The following B4GALT6 variants were observed in gnomAD, a reference collection of about 807,000 sequenced individuals.
The protein encoded by B4GALT6 is beta-1,4-galactosyltransferase 6, also known as UDP-Gal:beta-GlcNAc beta-1,4-galactosyltransferase 6.
B4GALT6 carries 14 observed loss-of-function variants against 46.3 expected under a neutral mutation model. That is an observed-to-expected ratio of 0.30 (90% CI 0.20 to 0.47). The LOEUF (loss-of-function observed/expected upper bound fraction) is 0.47, where lower values mean the gene tolerates loss of function less well. Ranked by LOEUF, B4GALT6 falls within the 20% of genes least tolerant of loss-of-function variation. The pLI is 0.99. For synonymous variants in B4GALT6, 168 were observed against 162.0 expected, an observed-to-expected ratio of 1.04 and a Z score of -0.28; for missense variants, 386 against 480.1, an observed-to-expected ratio of 0.80 and a Z score of 1.83.
At chr18:31,683,429 C>T (rs990312994) in intron 1 of B4GALT6, among the ~76,000 whole-genome samples, 8 of 152,258 alleles carry the variant, frequency 5.3e-5, no homozygotes, top group Non-Finnish European at 8.8e-5. Context: ...AGGAAAAACT[C>T]AGAAAAGTTT....
chr18:31,655,064 A>G (rs2074121118), intron 3 of B4GALT6, among the ~76,000 whole-genome samples: 1 of 152,238 alleles, frequency 6.6e-6, no homozygotes, highest in Non-Finnish European at 1.5e-5. Flanking sequence ...TGTGTGCTTC[A>G]TTCTATCCTT....
intron 3 of B4GALT6, among the ~76,000 whole-genome samples, chr18:31,653,045 C>G (rs953487305): frequency 6.6e-6 from 1 of 151,512 alleles, no homozygotes; most frequent in African/African-American, 2.4e-5. Context: ...CCCCTAGACC[C>G]TTTGAAAATC....
At chr18:31,647,804 A>G (rs1363515377) in intron 3 of B4GALT6, among the ~76,000 whole-genome samples, 2 of 152,146 alleles carry the variant, frequency 1.3e-5, no homozygotes, top group East Asian at 3.8e-4. Context: ...AGGAAGAAGT[A>G]TGCTGCAGAT....
chr18:31,647,780 T>C (rs2074009471), intron 3 of B4GALT6, among the ~76,000 whole-genome samples: 1 of 152,134 alleles, frequency 6.6e-6, no homozygotes, highest in Non-Finnish European at 1.5e-5. Flanking sequence ...GGTCATGTTA[T>C]AAAAAGAGTG....
At chr18:31,695,599 G>A in the B4GALT6 span, among the ~76,000 whole-genome samples, 2 of 152,232 alleles carry the variant, frequency 1.3e-5, no homozygotes, top group Non-Finnish European at 2.9e-5. Flanking sequence ...TAAGAAGCAA[G>A]CTACTGATGT....
rs1056309124 is a variant in B4GALT6, at chr18:31,645,399, G to C, written c.427C>G (p.Pro143Ala). 1.2e-6 allele frequency: 2 copies of C among 1,613,824 alleles called. No homozygotes were observed. The highest frequency in any genetic ancestry group is 2.7e-5 in the African/African-American group (2 of 75,022). ...QLFSKDLDIE[P>A]GGHWRPKDCK... ...TCTTTTGGCCTCCAATGACCCCCTG[G>C]CTCAATATCTAAATCCTTGGAGAAG... The change falls in exon 4 of 9, where the codon CCA (proline) becomes GCA (alanine). Residue 143 changes from proline to alanine, a missense_variant. Around this residue, in one of 2 missense-constraint regions of B4GALT6, gnomAD observed 323 missense variants for 438.9 expected, o/e 0.74. Transcript: ENST00000306851.
intron 6 of B4GALT6, among the ~76,000 whole-genome samples, chr18:31,628,715 T>C (rs1460968714): frequency 3.9e-5 from 6 of 152,180 alleles, no homozygotes; most frequent in Middle Eastern, 3.2e-3. Context: ...CTGAAGTCTA[T>C]GCACTGCCCA....
chr18:31,695,018 G>A, the B4GALT6 span, among the ~76,000 whole-genome samples: 16 of 152,248 alleles, frequency 1.1e-4, no homozygotes, highest in South Asian at 3.1e-3. Context: ...TATTCTAGGA[G>A]ACTTCATCGT....
At chr18:31,661,006 A>G (rs1184743602) in intron 2 of B4GALT6, among the ~76,000 whole-genome samples, 2 of 152,176 alleles carry the variant, frequency 1.3e-5, no homozygotes, top group African/African-American at 4.8e-5. Flanking sequence ...ACCCCCCCTT[A>G]GCGTGGTCAA....
In B4GALT6 at chr18:31,662,773, G is replaced by A. The variant is rs541475255; in HGVS notation, c.232+3483C>T. Among the ~76,000 whole-genome samples the A allele has an allele frequency of 4.1e-3, 622 of 152,202 alleles. 6 individuals are homozygous for A. The highest frequency in any genetic ancestry group is 0.014 in the African/African-American group (587 of 41,528). ...GGAGAATGGCCTGAACCCAGGAGGCGGAGCTTGCAGTGAGCTGAGATCATA... is the reference window on the plus strand; with the variant it reads ...GGAGAATGGCCTGAACCCAGGAGGCAGAGCTTGCAGTGAGCTGAGATCATA... On this transcript the variant is annotated intron_variant, in intron 2 of 8. Transcript: ENST00000306851.
chr18:31,630,540 G>A (rs2073774271), intron 6 of B4GALT6, among the ~76,000 whole-genome samples: 1 of 152,010 alleles, frequency 6.6e-6, no homozygotes, highest in Non-Finnish European at 1.5e-5. Flanking sequence ...CAGGAGTCAA[G>A]ATGAGTTATG....
At chr18:31,677,177 G>GA (rs936131548) in intron 1 of B4GALT6, among the ~76,000 whole-genome samples, 2 of 151,684 alleles carry the variant, frequency 1.3e-5, no homozygotes, top group Non-Finnish European at 2.9e-5. Context: ...ACTTCTGGAG[G>GA]AAAAAAAATA....
intron 4 of B4GALT6, among the ~76,000 whole-genome samples, chr18:31,642,164 G>A (rs1016821820): frequency 1.3e-5 from 2 of 152,194 alleles, no homozygotes; most frequent in Non-Finnish European, 2.9e-5. Context: ...TTTGAGGACT[G>A]AGTTCAAGAA....
At chr18:31,709,434 C>CAT in the B4GALT6 span, among the ~76,000 whole-genome samples, 18,187 of 130,394 alleles carry the variant, frequency 0.14, 1,652 homozygotes, top group African/African-American at 0.27. Context: ...GCAATTCATA[C>CAT]ATATATATAT....
chr18:31,642,329 T>A (rs1358527729), intron 4 of B4GALT6, among the ~76,000 whole-genome samples: 2 of 152,180 alleles, frequency 1.3e-5, no homozygotes, highest in Non-Finnish European at 2.9e-5. Flanking sequence ...GGGTTTGAAC[T>A]ACCACACCTG....
In B4GALT6 at chr18:31,622,590, G is replaced by C. The variant is rs1598854544; in HGVS notation, c.*3024C>G. 6.6e-6 allele frequency: 1 copy of C among 151,998 alleles called. No homozygotes were observed. The highest frequency in any genetic ancestry group is 1.5e-5 in the Non-Finnish European group (1 of 67,884). The allele number at this position is 151,998 out of a possible 1,614,324, so 9.4% of individuals were successfully genotyped here. On this transcript the variant is annotated 3_prime_UTR_variant, in exon 9 of 9. Coordinates refer to ENST00000306851, the MANE Select transcript of B4GALT6 (RefSeq NM_004775.5). Reference sequence around the variant, plus strand: ...TTCACTTGTAGGAAGCCTCCAGAAAGAGAATATTGTATTGGACATTTTTCC... The same window carrying C: ...TTCACTTGTAGGAAGCCTCCAGAAACAGAATATTGTATTGGACATTTTTCC...
chr18:31,685,086 A>C (rs1402824770), upstream of B4GALT6, among the ~76,000 whole-genome samples: 1 of 145,596 alleles, frequency 6.9e-6, no homozygotes, highest in Non-Finnish European at 1.5e-5. Context: ...CCGCCTCCTC[A>C]TGCCGCGCCG....
At chr18:31,676,335 T>A (rs1463934694) in intron 1 of B4GALT6, among the ~76,000 whole-genome samples, 2 of 152,210 alleles carry the variant, frequency 1.3e-5, no homozygotes, top group African/African-American at 4.8e-5. Context: ...ACTGTAAAGA[T>A]ATTATAAAAA....
In B4GALT6 at chr18:31,651,928, G is replaced by A. The variant is rs572047265; in HGVS notation, c.346+6048C>T. Among the ~76,000 whole-genome samples, 62 of 152,036 alleles carry A rather than the reference G, an allele frequency of 4.1e-4. 1 individual carries two copies. The highest frequency in any genetic ancestry group is 6.8e-3 in the Middle Eastern group (2 of 294). ...TGGGACTTCAGGCGCCCGCCACCACGCCCAGCTAATTTTTTTTATTTTTGG... is the reference window on the plus strand; with the variant it reads ...TGGGACTTCAGGCGCCCGCCACCACACCCAGCTAATTTTTTTTATTTTTGG... On this transcript the variant is annotated intron_variant, in intron 3 of 8. Transcript: ENST00000306851.
Sources: allele counts gnomAD v4.1 joint callset (sites outside exome capture counted in the v4.1 genomes callset), GRCh38; gene constraint gnomAD v4.1.1; regional missense constraint gnomAD v4.1.1; transcripts MANE v1.5; gene names NCBI Gene and HGNC (gene_info 2026-07-23, HGNC 2026-07-21).